The following NIPAL2 variants were observed in gnomAD, a reference collection of about 807,000 sequenced individuals.
The protein encoded by NIPAL2 is NIPA-like protein 2.
NIPAL2 carries 43 observed loss-of-function variants against 48.9 expected under a neutral mutation model. The ratio of observed to expected loss-of-function variants is 0.88; its 90% CI spans 0.69 to 1.13. The LOEUF is 1.13. Among genes scored for constraint, NIPAL2 ranks in the 50% most tolerant of loss-of-function variants. The pLI is 0.00. For synonymous variants in NIPAL2, 167 were observed against 174.6 expected (o/e 0.96, Z 0.34); for missense variants, 446 against 461.4 (o/e 0.97, Z 0.31).
At chr8:98,293,975 G>T in intron 1 of NIPAL2, 28 bp downstream of exon 1, 2 of 1,430,676 alleles carry the variant, frequency 1.4e-6, no homozygotes, top group Non-Finnish European at 9.2e-7. Context: ...TCCCCACCGG[G>T]CTGCGGTGGC....
chr8:98,234,505 T>C (rs1228706605), intron 4 of NIPAL2, among the ~76,000 whole-genome samples: 5 of 152,138 alleles, frequency 3.3e-5, no homozygotes, highest in African/African-American at 1.2e-4. Context: ...AAAAATAATA[T>C]ATCTAGGACC....
At chr8:98,274,118 C>T (rs1030963306) in intron 1 of NIPAL2, among the ~76,000 whole-genome samples, 1 of 151,910 alleles carries the variant, frequency 6.6e-6, no homozygotes, top group Non-Finnish European at 1.5e-5. Flanking sequence ...TGCTTTATGA[C>T]CTAATACATG....
chr8:98,214,731 T>G (rs754154469), intron 5 of NIPAL2, among the ~76,000 whole-genome samples: 3 of 152,178 alleles, frequency 2.0e-5, no homozygotes, highest in Non-Finnish European at 4.4e-5. Context: ...GGCCCTTATC[T>G]TCCTCATTTA....
Position 98,271,323 on chromosome 8 carries a change from C to A in NIPAL2, c.136-17236G>T, listed in dbSNP as rs963821278. Among the ~76,000 whole-genome samples, 41 of 152,126 alleles carry A rather than the reference C, an allele frequency of 2.7e-4. 1 individual carries two copies. Among genetic ancestry groups the A allele is most frequent in the Admixed American group, 1.3e-4 (2 of 15,270 alleles). On this transcript the variant is annotated intron_variant, in intron 1 of 10. Transcript: ENST00000430223. ...TTCAACGATGTTGATTCTTCCAATC[C>A]ATGAACATGGAATATTTTTCCATTT...
intron 5 of NIPAL2, among the ~76,000 whole-genome samples, chr8:98,220,683 C>G (rs930378037): frequency 1.3e-5 from 2 of 152,136 alleles, no homozygotes; most frequent in African/African-American, 2.4e-5. Flanking sequence ...TGTTGGGTAA[C>G]AGATGTACAC....
intron 1 of NIPAL2, among the ~76,000 whole-genome samples, chr8:98,266,303 A>G (rs1003658153): frequency 3.2e-4 from 48 of 151,806 alleles, no homozygotes; most frequent in Middle Eastern, 3.2e-3. Context: ...AGAAAATGAA[A>G]AAAAAAAGTT....
chr8:98,233,340 A>ATG (rs59700892), intron 4 of NIPAL2, among the ~76,000 whole-genome samples: 58,079 of 149,644 alleles, frequency 0.39, 11,973 homozygotes, highest in South Asian at 0.56. Flanking sequence ...TGTTTTCTTG[A>ATG]TGTGTGTGTG....
At chr8:98,253,772 A>G (rs896815601) in intron 2 of NIPAL2, among the ~76,000 whole-genome samples, 3 of 152,224 alleles carry the variant, frequency 2.0e-5, no homozygotes, top group African/African-American at 7.2e-5. Context: ...TAGGGTCTAC[A>G]ATACTGTCAG....
At chr8:98,208,234 T>C (rs1291930616) in intron 6 of NIPAL2, among the ~76,000 whole-genome samples, 1 of 152,246 alleles carries the variant, frequency 6.6e-6, no homozygotes, top group African/African-American at 2.4e-5. Context: ...TTTCTAAACA[T>C]GTGCTGACCT....
intron 8 of NIPAL2, among the ~76,000 whole-genome samples, chr8:98,199,928 C>T (rs1810726271): frequency 6.6e-6 from 1 of 151,924 alleles, no homozygotes; most frequent in African/African-American, 2.4e-5. Context: ...TCTTGGTCCT[C>T]CAAGAAAATC....
intron 1 of NIPAL2, among the ~76,000 whole-genome samples, chr8:98,278,052 A>G (rs183002737): frequency 6.6e-6 from 1 of 152,302 alleles, no homozygotes; most frequent in East Asian, 1.9e-4. Context: ...CCTCTTGAGT[A>G]GAGAAGTATA....
rs985212217 is a variant in NIPAL2 at position 98,294,168 on chromosome 8, C to T, written c.-31G>A. The T allele has an allele frequency of 5.3e-6, 7 of 1,331,244 alleles. No individual in the cohort carries two copies. The African/African-American group carries it at 7.7e-5, about 15-fold the overall frequency. 82.5% of individuals were successfully genotyped at this position (1,331,244 alleles called of 1,614,324 possible). A position where few individuals can be genotyped will look rare whatever the true frequency, so the allele number is the denominator to read the frequency against. ...CTCGCTCCCGGCGCTCGGGCTCCGG[C>T]TCGGGCTGCGGCCGCCTCCCCGCCC... On this transcript the variant is annotated 5_prime_UTR_variant, in exon 1 of 11. Coordinates refer to ENST00000430223, the MANE Select transcript of NIPAL2 (RefSeq NM_001321635.2).
intron 3 of NIPAL2, among the ~76,000 whole-genome samples, chr8:98,247,447 G>T (rs772663359): frequency 1.3e-5 from 2 of 152,048 alleles, no homozygotes; most frequent in Non-Finnish European, 2.9e-5. Context: ...GAAGTGTAGG[G>T]CAGGGTTGCT....
At chr8:98,212,684 C>G (rs2130726787) in intron 5 of NIPAL2, among the ~76,000 whole-genome samples, 183 bp from the exon 6 acceptor site, 1 of 152,264 alleles carries the variant, frequency 6.6e-6, no homozygotes, top group African/African-American at 2.4e-5. Flanking sequence ...TCGAACGTCC[C>G]TCTCTGCCAG....
chr8:98,275,902 T>C (rs943012553), intron 1 of NIPAL2, among the ~76,000 whole-genome samples: 1 of 152,196 alleles, frequency 6.6e-6, no homozygotes, highest in Non-Finnish European at 1.5e-5. Flanking sequence ...ATTTATATCC[T>C]CAAACTAGTC....
intron 5 of NIPAL2, among the ~76,000 whole-genome samples, chr8:98,221,052 G>C (rs1325727427): frequency 1.5e-5 from 2 of 136,712 alleles, no homozygotes; most frequent in African/African-American, 5.7e-5. Context: ...CTTGGCTCAC[G>C]GTAGCCTCTG....
chr8:98,201,613 C>T (rs888378729), intron 8 of NIPAL2, among the ~76,000 whole-genome samples: 34 of 152,192 alleles, frequency 2.2e-4, no homozygotes, highest in African/African-American at 7.7e-4. Flanking sequence ...GAAAATCTTC[C>T]GATCAGGGCA....
At chr8:98,258,130 A>G (rs1669206880) in intron 1 of NIPAL2, among the ~76,000 whole-genome samples, 1 of 152,150 alleles carries the variant, frequency 6.6e-6, no homozygotes, top group African/African-American at 2.4e-5. Context: ...AAATCAGCCA[A>G]TCACAAAAGA....
At chr8:98,222,656 G>T in intron 4 of NIPAL2, 56 bp from the exon 5 acceptor site, 1 of 1,579,008 alleles carries the variant, frequency 6.3e-7, no homozygotes, top group South Asian at 1.1e-5. Flanking sequence ...AGCTTTTGTT[G>T]ACGCAGACAT....
Sources: allele counts gnomAD v4.1 joint callset (sites outside exome capture counted in the v4.1 genomes callset), GRCh38; gene constraint gnomAD v4.1.1; transcripts MANE v1.5; gene names NCBI Gene and HGNC (gene_info 2026-07-23, HGNC 2026-07-21).